The following HSPBAP1 variants were observed in gnomAD, a reference collection of about 807,000 sequenced individuals.
HSPBAP1 encodes the protein HSPB1 associated protein 1.
A neutral mutation model predicts 45.2 loss-of-function variants in HSPBAP1; 27 were observed. The observed-to-expected ratio is 0.60, with a 90% CI of 0.44 to 0.82. The LOEUF (loss-of-function observed/expected upper bound fraction) is 0.82, where lower values mean the gene tolerates loss of function less well. Among genes scored for constraint, HSPBAP1 ranks in the 40% least tolerant of loss-of-function variants. The pLI is 0.00. For synonymous variants in HSPBAP1, 204 were observed against 202.7 expected (o/e 1.01, Z -0.06); for missense variants, 510 against 590.9 (o/e 0.86, Z 1.42).
chr3:122,788,401 T>C (rs181644590), intron 1 of HSPBAP1, among the ~76,000 whole-genome samples: 2 of 152,242 alleles, frequency 1.3e-5, no homozygotes, highest in East Asian at 3.9e-4. Flanking sequence ...AACCCCAGCC[T>C]CCCCAAGTGA....
intron 1 of HSPBAP1, among the ~76,000 whole-genome samples, chr3:122,793,006 T>C (rs1021261150): frequency 2.0e-5 from 3 of 152,218 alleles, no homozygotes; most frequent in African/African-American, 7.2e-5. Context: ...ACTGGTAGAA[T>C]AGTTCAGGTG....
chr3:122,776,494 A>G (rs1935197506), intron 2 of HSPBAP1, among the ~76,000 whole-genome samples: 1 of 152,254 alleles, frequency 6.6e-6, no homozygotes, highest in African/African-American at 2.4e-5. Flanking sequence ...TATTCACAAT[A>G]GTGCCTGAAA....
At chr3:122,780,712 C>T (rs1201587299) in intron 1 of HSPBAP1, among the ~76,000 whole-genome samples, 1 of 151,792 alleles carries the variant, frequency 6.6e-6, no homozygotes, top group Non-Finnish European at 1.5e-5. Context: ...CTCCTCACTT[C>T]CCAGACGGGG....
At chr3:122,741,258 C>T (rs1933659793) in intron 6 of HSPBAP1, 145 bp from the exon 7 acceptor site, 2 of 639,640 alleles carry the variant, frequency 3.1e-6, no homozygotes, top group Non-Finnish European at 5.4e-6. Context: ...GGTAGAACCA[C>T]AATTTTTGTG....
intron 1 of HSPBAP1, chr3:122,786,618 C>A (rs1280050052): frequency 6.6e-6 from 1 of 152,162 alleles, no homozygotes; most frequent in African/African-American, 2.4e-5. Flanking sequence ...ATCTAAAAAT[C>A]CCACACATCC....
chr3:122,777,743 C>T lies in HSPBAP1; in HGVS notation c.228G>A (p.Met76Ile), dbSNP rs1935234524. The T allele has an allele frequency of 1.2e-6, 2 of 1,613,798 alleles. No homozygotes were observed. The highest frequency in any genetic ancestry group is 8.5e-7 in the Non-Finnish European group (1 of 1,179,814). Residue 76 changes from methionine to isoleucine, a missense_variant, in exon 2 of 8, where the codon ATG (methionine) becomes ATA (isoleucine). By Grantham distance (10) the Met-to-Ile change is conservative. Transcript: ENST00000306103. ...TACCTGTGCTCATGCTTTTCATCCC[C>T]ATTCTGAATCGTATCTGCTTGCCAT... ...VLHGKQIRFR[M>I]GMKSMSTVPQ... is the part of the protein sequence containing the mutation.
At chr3:122,776,509 A>T (rs1244622503) in intron 2 of HSPBAP1, among the ~76,000 whole-genome samples, 1 of 152,250 alleles carries the variant, frequency 6.6e-6, no homozygotes, top group Non-Finnish European at 1.5e-5. Flanking sequence ...CTGAAACAAT[A>T]GCTTTAAATA....
chr3:122,742,085 T>C lies in HSPBAP1; in HGVS notation c.826-972A>G, dbSNP rs567318560. Among the ~76,000 whole-genome samples, 339 of 151,630 alleles carry C rather than the reference T, an allele frequency of 2.2e-3. 7 individuals are homozygous for C. The South Asian group carries it at 0.025, about 11-fold the overall frequency. ...AACATGTACAAGAATATTCTGTTCA[T>C]AGAAGCAAAAAATTGAACACTGAAT... On this transcript the variant is annotated intron_variant, in intron 6 of 7. Coordinates refer to ENST00000306103, the MANE Select transcript of HSPBAP1 (RefSeq NM_024610.6).
intron 6 of HSPBAP1, among the ~76,000 whole-genome samples, chr3:122,751,656 T>C (rs1206596773): frequency 6.6e-6 from 1 of 152,228 alleles, no homozygotes; most frequent in Non-Finnish European, 1.5e-5. Flanking sequence ...GATATGACTT[T>C]GGCATTGGGA....
chr3:122,787,475 T>C (rs942968978), intron 1 of HSPBAP1, among the ~76,000 whole-genome samples: 6 of 152,178 alleles, frequency 3.9e-5, no homozygotes, highest in African/African-American at 1.4e-4. Flanking sequence ...AATCTTGAAA[T>C]TGAAATTAAC....
intron 2 of HSPBAP1, 66 bp from the exon 3 acceptor site, chr3:122,768,948 T>A: frequency 8.8e-7 from 1 of 1,134,318 alleles, no homozygotes; most frequent in Non-Finnish European, 1.2e-6. Flanking sequence ...TGTTTTTTTT[T>A]TAAAATAAAG....
intron 5 of HSPBAP1, chr3:122,754,234 G>A (rs960612906): frequency 2.0e-5 from 3 of 152,662 alleles, no homozygotes; most frequent in African/African-American, 7.2e-5. Context: ...CAACCCAAAT[G>A]TCCATCAACT....
At chr3:122,754,907 C>G (rs750075075) in intron 5 of HSPBAP1, 1 of 1,006,020 alleles carries the variant, frequency 9.9e-7, no homozygotes, top group Admixed American at 5.9e-5. Flanking sequence ...TGAACAGATA[C>G]TAACTGTGAT....
At chr3:122,752,218 A>C (rs1934174467) in intron 6 of HSPBAP1, among the ~76,000 whole-genome samples, 1 of 152,216 alleles carries the variant, frequency 6.6e-6, no homozygotes, top group African/African-American at 2.4e-5. Context: ...CCCTGAACCA[A>C]GAAGCAGGTA....
At chr3:122,778,680 C>G (rs1408725953) in intron 1 of HSPBAP1, among the ~76,000 whole-genome samples, 3 of 152,114 alleles carry the variant, frequency 2.0e-5, no homozygotes, top group African/African-American at 7.2e-5. Flanking sequence ...CAGGCGCCCG[C>G]CACTGCGCCC....
intron 6 of HSPBAP1, among the ~76,000 whole-genome samples, chr3:122,751,523 G>C (rs1421437201): frequency 6.6e-6 from 1 of 152,170 alleles, no homozygotes; most frequent in Admixed American, 6.5e-5. Flanking sequence ...TTTGAGCATG[G>C]AAGAAGAAAA....
chr3:122,792,213 T>C (rs1431932578), intron 1 of HSPBAP1, among the ~76,000 whole-genome samples: 5 of 152,190 alleles, frequency 3.3e-5, no homozygotes, highest in Admixed American at 6.5e-5. Context: ...AGTTTGGCCA[T>C]TTTCACTTTA....
intron 1 of HSPBAP1, among the ~76,000 whole-genome samples, chr3:122,778,206 G>T (rs1158746559): frequency 7.7e-5 from 6 of 77,598 alleles, no homozygotes; most frequent in Non-Finnish European, 1.7e-4. Flanking sequence ...TCAACAGGTA[G>T]TTTTTTTTGT....
intron 6 of HSPBAP1, among the ~76,000 whole-genome samples, chr3:122,749,770 G>A (rs1368014484): frequency 2.6e-5 from 4 of 151,696 alleles, no homozygotes; most frequent in Non-Finnish European, 4.4e-5. Context: ...CACCATGCCC[G>A]GCTAATTTTT....
Sources: allele counts gnomAD v4.1 joint callset (sites outside exome capture counted in the v4.1 genomes callset), GRCh38; gene constraint gnomAD v4.1.1; transcripts MANE v1.5; gene names NCBI Gene and HGNC (gene_info 2026-07-23, HGNC 2026-07-21).